The following PRKCZ variants were observed in gnomAD, a reference collection of about 807,000 sequenced individuals.
The protein encoded by PRKCZ is protein kinase C zeta type.
In PRKCZ, 33 loss-of-function variants were observed where a neutral mutation model predicts 79.5. That is an observed-to-expected ratio of 0.41 (90% CI 0.31 to 0.55). The LOEUF is 0.55. PRKCZ is among the 20% of genes least tolerant of loss of function. The probability of loss-of-function intolerance (pLI) is 0.19; values close to 1 mark genes in which losing one functional copy is unlikely to be tolerated. For missense variants in PRKCZ, 578 were observed against 813.5 expected (o/e 0.71, Z 3.52); for synonymous variants, 342 against 320.9 (o/e 1.07, Z -0.70).
intron 4 of PRKCZ, among the ~76,000 whole-genome samples, chr1:2,070,743 GGCGGGGGACA>G (rs1661499618): frequency 1.3e-5 from 2 of 150,790 alleles, no homozygotes; most frequent in Admixed American, 1.3e-4. Flanking sequence ...GGGTGGGGCT[GGCGGGGGACA>G]GTCCTCAGCT....
chr1:2,051,336 C>T (rs1007267211), intron 1 of PRKCZ, among the ~76,000 whole-genome samples: 9 of 152,190 alleles, frequency 5.9e-5, no homozygotes, highest in Admixed American at 2.0e-4. Flanking sequence ...GACTCTTGGC[C>T]GCCGCCTCGG....
chr1:2,085,681 G>A (rs1245467438), intron 4 of PRKCZ, among the ~76,000 whole-genome samples: 4 of 139,960 alleles, frequency 2.9e-5, no homozygotes, highest in South Asian at 2.5e-4. Flanking sequence ...GTGAGGCACC[G>A]TGCTGGAGGG....
chr1:2,100,148 C>T (rs1383168044), intron 4 of PRKCZ, among the ~76,000 whole-genome samples: 2 of 152,218 alleles, frequency 1.3e-5, no homozygotes, highest in Admixed American at 6.5e-5. Flanking sequence ...GCCCTGCTTC[C>T]GACCCCACCA....
intron 4 of PRKCZ, among the ~76,000 whole-genome samples, chr1:2,109,013 C>T (rs143457007): frequency 8.5e-5 from 13 of 152,308 alleles, no homozygotes; most frequent in African/African-American, 2.4e-4. Context: ...CTCCGTCTCA[C>T]GTCACCGCCT....
At chr1:2,103,783 CTG>C in intron 4 of PRKCZ, among the ~76,000 whole-genome samples, 1 of 152,198 alleles carries the variant, frequency 6.6e-6, no homozygotes, top group Non-Finnish European at 1.5e-5. Context: ...GGAAGGGCCT[CTG>C]GGGCGGCGGG....
chr1:2,105,572 G>A lies in PRKCZ; in HGVS notation c.335-29690G>A, dbSNP rs528704178. On this transcript the variant is annotated intron_variant, in intron 4 of 17. Transcript: ENST00000378567. ...CTGCCACCATGCGCAGCTAATTTTT[G>A]TATTTTTAGTAGAGACGGGGTTTCA... is the stretch of plus-strand genomic sequence containing the variant. Among the ~76,000 whole-genome samples the A allele has an allele frequency of 4.6e-5, 7 of 152,202 alleles. No homozygotes were observed. The South Asian group carries it at 1.2e-3, about 27-fold the overall frequency.
chr1:2,151,128 G>A (rs762454506), intron 9 of PRKCZ, 150 bp downstream of exon 9: 23 of 973,646 alleles, frequency 2.4e-5, no homozygotes, highest in Non-Finnish European at 2.8e-5. Context: ...ATCGTGTAAT[G>A]ACCAGGATGT....
chr1:2,135,172 C>T (rs1294794568), intron 4 of PRKCZ, 90 bp from the exon 5 acceptor site: 1 of 1,161,492 alleles, frequency 8.6e-7, no homozygotes, highest in Non-Finnish European at 1.2e-6. Context: ...GCCGCCACCA[C>T]CTGGACGGGA....
chr1:2,071,341 C>T, intron 4 of PRKCZ: 1 of 470,612 alleles, frequency 2.1e-6, no homozygotes, highest in Non-Finnish European at 4.2e-6. Flanking sequence ...GAGTGTGTTC[C>T]AGGCCCCGGC....
chr1:2,136,948 T>C (rs1448449016), intron 5 of PRKCZ, among the ~76,000 whole-genome samples: 1 of 152,048 alleles, frequency 6.6e-6, no homozygotes, highest in Non-Finnish European at 1.5e-5. Flanking sequence ...TGCATGTACA[T>C]GAAAGGGAGT....
At chr1:2,097,759 T>TAAA (rs1666771627) in intron 4 of PRKCZ, among the ~76,000 whole-genome samples, 4 of 152,240 alleles carry the variant, frequency 2.6e-5, no homozygotes, top group African/African-American at 4.8e-5. Flanking sequence ...AGAAATAAAT[T>TAAA]TTGGGTGCTG....
At chr1:2,155,144 A>G (rs954401903) in intron 9 of PRKCZ, among the ~76,000 whole-genome samples, 2 of 152,084 alleles carry the variant, frequency 1.3e-5, no homozygotes, top group Admixed American at 6.5e-5. Flanking sequence ...GATGATGGTG[A>G]TGATGGTGAT....
rs373054615 is a variant in PRKCZ at position 2,150,822 on chromosome 1, A to G, written c.720A>G (p.Gly240=). The G allele has an allele frequency of 4.3e-4, 695 of 1,614,148 alleles. 11 individuals are homozygous for G. The South Asian group carries it at 7.3e-3, about 17-fold the overall frequency. Residue 240 remains glycine (G), a synonymous_variant, in exon 9 of 18, where the codon GGA becomes GGG. Coordinates refer to ENST00000378567, the MANE Select transcript of PRKCZ (RefSeq NM_002744.6). ...DLKPVIDGMD[G]IKISQGLGLQ... is the part of the protein sequence containing the mutation. ...AGCCAGTTATCGATGGGATGGATGGAATCAAAATCTCTCAGGGGCTTGGGC... is the reference window on the plus strand; with the variant it reads ...AGCCAGTTATCGATGGGATGGATGGGATCAAAATCTCTCAGGGGCTTGGGC...
Position 2,144,220 on chromosome 1 carries a change from G to T in PRKCZ, c.431G>T (p.Cys144Phe), listed in dbSNP as rs1485210594. Residue 144 changes from cysteine to phenylalanine, a missense_variant, in exon 6 of 18, where the codon TGC becomes TTC. Physicochemically the swap from Cys to Phe is radical, Grantham distance 205. This residue lies in a region of PRKCZ where 228 missense variants were observed against 211.6 expected (regional missense o/e 1.08). Transcript: ENST00000378567. ...TGTTCCCACCTGCAGAGAGCGTACTGCGGTCAGTGCAGCGAGAGGATATGG... is the reference window on the plus strand; with the variant it reads ...TGTTCCCACCTGCAGAGAGCGTACTTCGGTCAGTGCAGCGAGAGGATATGG... ...QAKRFNRRAY[C>F]GQCSERIWGL... is the part of the protein sequence containing the mutation. 3 of 1,552,074 alleles carry T rather than the reference G, an allele frequency of 1.9e-6. No individual in the cohort carries two copies. The Admixed American group carries it at 5.9e-5, about 30-fold the overall frequency.
In PRKCZ at chr1:2,075,930, T is replaced by C. The variant is rs1662325569; in HGVS notation, c.334+16339T>C. Among the ~76,000 whole-genome samples the C allele has an allele frequency of 6.6e-6, 1 of 152,240 alleles. No individual in the cohort carries two copies. Among genetic ancestry groups the C allele is most frequent in the Admixed American group, 6.5e-5 (1 of 15,288 alleles). On this transcript the variant is annotated intron_variant, in intron 4 of 17. Coordinates refer to ENST00000378567, the MANE Select transcript of PRKCZ (RefSeq NM_002744.6). The surrounding 1 kb of genome is among the most constrained non-coding windows in gnomAD (Gnocchi z 4.8). ...CCACACGTTTCTGATCGCCGAGGAC[T>C]CAGCCGGGCACATGGAGGTTGAACT...
At chr1:2,105,400 G>A (rs557647222) in intron 4 of PRKCZ, among the ~76,000 whole-genome samples, 2 of 152,244 alleles carry the variant, frequency 1.3e-5, no homozygotes, top group African/African-American at 4.8e-5. Context: ...GTCACGTTAG[G>A]CCTTATTTAT....
At chr1:2,145,879 G>C in intron 6 of PRKCZ, 148 bp from the exon 7 acceptor site, 2 of 663,994 alleles carry the variant, frequency 3.0e-6, no homozygotes, top group Non-Finnish European at 5.2e-6. Flanking sequence ...TCGCGCCACT[G>C]CTCTCCAGCC....
At chr1:2,061,707 C>T (rs1660692538) in intron 4 of PRKCZ, among the ~76,000 whole-genome samples, 2 of 152,232 alleles carry the variant, frequency 1.3e-5, no homozygotes, top group Admixed American at 6.5e-5. Flanking sequence ...GATGTCCACC[C>T]GGACGTGGGT....
chr1:2,069,199 T>C (rs1390413521), intron 4 of PRKCZ, among the ~76,000 whole-genome samples: 3 of 152,146 alleles, frequency 2.0e-5, no homozygotes, highest in African/African-American at 7.2e-5. Context: ...GCATCCGTGC[T>C]GTGCTTGTTG....
Sources: gnomAD v4.1 joint callset for allele counts (sites outside exome capture counted in the v4.1 genomes callset) on GRCh38, gnomAD v4.1.1 for gene constraint, gnomAD v4.1.1 regional missense constraint, Gnocchi (gnomAD v3.1) non-coding constraint, MANE v1.5 for transcripts, NCBI Gene and HGNC (gene_info 2026-07-23, HGNC 2026-07-21) for gene names.